The following VPS13B variants were observed in gnomAD, a reference collection of about 807,000 sequenced individuals.
The protein encoded by VPS13B is vacuolar protein sorting 13 homolog B, also known as intermembrane lipid transfer protein VPS13B.
In VPS13B, 285 loss-of-function variants were observed where a neutral mutation model predicts 426.4. The observed-to-expected ratio is 0.67, with a 90% CI of 0.61 to 0.74. The LOEUF is 0.74. VPS13B is among the 30% of genes least tolerant of loss of function. VPS13B has a pLI of 0.00. For synonymous variants in VPS13B, 1,676 were observed against 1,676.4 expected (o/e 1.00, Z 0.01); for missense variants, 4,537 against 4,782.6 (o/e 0.95, Z 1.51).
intron 12 of VPS13B, among the ~76,000 whole-genome samples, chr8:99,137,097 AT>A (rs1353386122): frequency 1.3e-5 from 2 of 152,240 alleles, no homozygotes; most frequent in Non-Finnish European, 2.9e-5. Context: ...GGTGATACTA[AT>A]TTTTAATTAA....
At chr8:99,791,912 G>A (rs1405260256) in intron 43 of VPS13B, among the ~76,000 whole-genome samples, 2 of 152,032 alleles carry the variant, frequency 1.3e-5, no homozygotes, top group African/African-American at 4.8e-5. Flanking sequence ...CAGGGTACCA[G>A]GGGAAATAGC....
In VPS13B at chr8:99,625,040, G is replaced by T. The variant is rs544891931; in HGVS notation, c.5221-16771G>T. Among the ~76,000 whole-genome samples the T allele has an allele frequency of 7.2e-5, 11 of 152,032 alleles. No individual in the cohort carries two copies. In the South Asian group the frequency reaches 2.3e-3, roughly 32 times the overall value. On this transcript the variant is annotated intron_variant, in intron 33 of 61. Coordinates refer to ENST00000357162, the MANE Select transcript of VPS13B (RefSeq NM_152564.5). Reference sequence around the variant, plus strand: ...GAGTTTCTCCATGTTGGTCAGGCTGGTCTCGAACTCCCAACCTCAGGTGAT... The same window carrying T: ...GAGTTTCTCCATGTTGGTCAGGCTGTTCTCGAACTCCCAACCTCAGGTGAT...
At chr8:99,825,110 G>A (rs1418791128) in intron 51 of VPS13B, among the ~76,000 whole-genome samples, 1 of 152,126 alleles carries the variant, frequency 6.6e-6, no homozygotes, top group Non-Finnish European at 1.5e-5. Context: ...GGATTGCTGG[G>A]TCAAATGGTA....
chr8:99,362,529 C>T (rs1812627728), intron 19 of VPS13B, among the ~76,000 whole-genome samples: 1 of 151,910 alleles, frequency 6.6e-6, no homozygotes, highest in Admixed American at 6.6e-5. Flanking sequence ...AGGGCAGATT[C>T]AATATAAATG....
intron 14 of VPS13B, among the ~76,000 whole-genome samples, chr8:99,156,006 C>T (rs1357857034): frequency 6.6e-6 from 1 of 151,910 alleles, no homozygotes; most frequent in African/African-American, 2.4e-5. Flanking sequence ...AATACTGTGC[C>T]GTCCTCAAGA....
chr8:99,391,107 CAT>C (rs1184692623), intron 20 of VPS13B, among the ~76,000 whole-genome samples: 1 of 152,066 alleles, frequency 6.6e-6, no homozygotes, highest in Admixed American at 6.5e-5. Flanking sequence ...TTTCTAAAAA[CAT>C]AAGGATTTTT....
chr8:99,161,706 T>TAATA lies in VPS13B; in HGVS notation c.2208+4963_2208+4964insAATA, dbSNP rs562373583. On this transcript the variant is annotated intron_variant, in intron 15 of 61. Transcript: ENST00000357162. ...AGCATTAATATGCGTGGGAAAACCATTCCCTGGTGTTAAGTGTACTAAATC... is the reference window on the plus strand; with the variant it reads ...AGCATTAATATGCGTGGGAAAACCATAATATCCCTGGTGTTAAGTGTACTAAATC... Among the ~76,000 whole-genome samples, 941 of 152,008 alleles carry TAATA rather than the reference T, an allele frequency of 6.2e-3. 7 individuals are homozygous for TAATA. Among genetic ancestry groups the TAATA allele is most frequent in the African/African-American group, 0.021 (882 of 41,432 alleles).
At chr8:99,857,649 C>T (rs899585682) in intron 56 of VPS13B, among the ~76,000 whole-genome samples, 30 of 152,300 alleles carry the variant, frequency 2.0e-4, no homozygotes, top group African/African-American at 6.0e-4. Flanking sequence ...GTCTCCAAGC[C>T]TCAGTCTCCT....
At chr8:99,628,975 G>A (rs1247671598) in intron 33 of VPS13B, among the ~76,000 whole-genome samples, 2 of 152,024 alleles carry the variant, frequency 1.3e-5, no homozygotes, top group African/African-American at 4.8e-5. Flanking sequence ...ATGTTGTACA[G>A]GCTGATCTCA....
chr8:99,818,980 TGGGTA>T, intron 47 of VPS13B, 92 bp downstream of exon 47: 2 of 266,914 alleles, frequency 7.5e-6, no homozygotes, highest in Non-Finnish European at 1.5e-5. Flanking sequence ...GGGGGAGGGG[TGGGTA>T]GGGAGATGGG....
intron 21 of VPS13B, among the ~76,000 whole-genome samples, chr8:99,403,385 CTAAAAATACA>C (rs1372341774): frequency 1.3e-5 from 2 of 151,948 alleles, no homozygotes; most frequent in Non-Finnish European, 2.9e-5. Context: ...CCCGTCTCTA[CTAAAAATACA>C]AAAATTAGCC....
intron 43 of VPS13B, among the ~76,000 whole-genome samples, chr8:99,794,254 A>C (rs1812696799): frequency 6.6e-6 from 1 of 152,186 alleles, no homozygotes; most frequent in African/African-American, 2.4e-5. Flanking sequence ...TGGAGATATA[A>C]ATTTGGCCTG....
intron 3 of VPS13B, among the ~76,000 whole-genome samples, chr8:99,068,229 G>T (rs1844649969): frequency 6.6e-6 from 1 of 151,906 alleles, no homozygotes; most frequent in African/African-American, 2.4e-5. Context: ...CAGTACTTTT[G>T]CCAAGCATAA....
chr8:99,514,096 A>G (rs73702023), intron 29 of VPS13B, among the ~76,000 whole-genome samples: 3,651 of 152,236 alleles, frequency 0.024, 143 homozygotes, highest in African/African-American at 0.082. Flanking sequence ...TTTTGTGGCA[A>G]TACCTGTGAG....
rs1814521630 is a variant in VPS13B, at chr8:99,823,945, G to C, written c.9297G>C (p.Gln3099His). 6.2e-7 allele frequency: 1 copy of C among 1,612,970 alleles called. No individual in the cohort carries two copies. Among genetic ancestry groups the C allele is most frequent in the Non-Finnish European group, 8.5e-7 (1 of 1,179,864 alleles). The change falls in exon 51 of 62, where the codon CAG becomes CAC. Residue 3099 changes from glutamine to histidine, a missense_variant. This residue lies in a region of VPS13B where 4,311 missense variants were observed against 4,474.3 expected (regional missense o/e 0.96). Transcript: ENST00000357162. ...NTPYQIFYKP[Q>H]LSVCNPHSGK... ...CATATCAAATATTTTATAAACCACA[G>C]CTATCTGTCTGCAATCCCCATTCTG...
chr8:99,334,519 A>G (rs986869842), intron 19 of VPS13B, among the ~76,000 whole-genome samples: 2 of 152,036 alleles, frequency 1.3e-5, no homozygotes, highest in African/African-American at 4.8e-5. Flanking sequence ...TTATTTTGAG[A>G]TACGTCCCAT....
chr8:99,408,637 A>G (rs1481438708), intron 21 of VPS13B, among the ~76,000 whole-genome samples: 6 of 152,174 alleles, frequency 3.9e-5, no homozygotes, highest in African/African-American at 1.4e-4. Flanking sequence ...ACGCAGTTGG[A>G]TAAATAGTCT....
At chr8:99,483,822 A>G (rs1486607630) in intron 25 of VPS13B, among the ~76,000 whole-genome samples, 1 of 152,162 alleles carries the variant, frequency 6.6e-6, no homozygotes, top group East Asian at 1.9e-4. Context: ...GCTCACATGA[A>G]ATGGTGACAG....
chr8:99,395,382 G>A (rs757637379), intron 21 of VPS13B, among the ~76,000 whole-genome samples: 9 of 152,184 alleles, frequency 5.9e-5, no homozygotes, highest in Non-Finnish European at 1.3e-4. Flanking sequence ...TCGGAGCTAC[G>A]ATCTTAATGA....
Sources: allele counts gnomAD v4.1 joint callset (sites outside exome capture counted in the v4.1 genomes callset), GRCh38; gene constraint gnomAD v4.1.1; regional missense constraint gnomAD v4.1.1; transcripts MANE v1.5; gene names NCBI Gene and HGNC (gene_info 2026-07-23, HGNC 2026-07-21).